The following MAN1C1 variants were observed in gnomAD, a reference collection of about 807,000 sequenced individuals.
MAN1C1 encodes mannosyl-oligosaccharide 1,2-alpha-mannosidase IC.
A neutral mutation model predicts 71.5 loss-of-function variants in MAN1C1; 49 were observed. The ratio of observed to expected loss-of-function variants is 0.69; its 90% CI spans 0.54 to 0.87. The LOEUF (loss-of-function observed/expected upper bound fraction) is 0.87. MAN1C1 is among the 40% of genes least tolerant of loss of function. MAN1C1 has a pLI of 0.00. For synonymous variants in MAN1C1, 352 were observed against 343.7 expected, an observed-to-expected ratio of 1.02 and a Z score of -0.27; for missense variants, 743 against 835.0, an observed-to-expected ratio of 0.89 and a Z score of 1.36.
At position 25,757,692 on chromosome 1, in the gene MAN1C1, C is replaced by T. The variant is rs375112995; in HGVS notation, c.930-900C>T. On this transcript the variant is annotated intron_variant, in intron 5 of 11. Coordinates refer to ENST00000374332, the MANE Select transcript of MAN1C1 (RefSeq NM_020379.4). ...TTGCCCGAGGGCTCCAGCTGAGCGA[C>T]ACTTGAACCTGCACCTTCTGGCTCC... Among the ~76,000 whole-genome samples the T allele has an allele frequency of 1.8e-4, 28 of 152,344 alleles. No homozygotes were observed. In the East Asian group the frequency reaches 4.0e-3, roughly 22 times the overall value.
At chr1:25,718,506 T>C (rs2046713999) in intron 2 of MAN1C1, among the ~76,000 whole-genome samples, 1 of 152,264 alleles carries the variant, frequency 6.6e-6, no homozygotes, top group African/African-American at 2.4e-5. Flanking sequence ...TCAGTAGGTT[T>C]CAGTATATTT....
rs2046963897 is a variant in MAN1C1, at chr1:25,735,173, C to A, written c.638-11495C>A. Among the ~76,000 whole-genome samples the A allele has an allele frequency of 6.6e-6, 1 of 152,160 alleles. No individual in the cohort carries two copies. The highest frequency in any genetic ancestry group is 6.5e-5 in the Admixed American group (1 of 15,288). On this transcript the variant is annotated intron_variant, in intron 2 of 11. Transcript: ENST00000374332. The surrounding 1 kb of genome is among the most constrained non-coding windows in gnomAD (Gnocchi z 4.6). ...CACGCCTGTTATCCCAGGCCTGTCT[C>A]GTGGGAGACCGAGACAGGTGGATCA...
intron 2 of MAN1C1, among the ~76,000 whole-genome samples, chr1:25,736,960 C>G (rs909835995): frequency 1.3e-5 from 2 of 152,210 alleles, no homozygotes; most frequent in African/African-American, 4.8e-5. Context: ...CTATCCAGGC[C>G]TCGCAGGAAA....
chr1:25,619,347 T>C (rs2045169776), intron 1 of MAN1C1, among the ~76,000 whole-genome samples: 2 of 152,226 alleles, frequency 1.3e-5, no homozygotes, highest in African/African-American at 2.4e-5. Context: ...AAAGGGCTGC[T>C]TCTGCCTGGA....
intron 9 of MAN1C1, 41 bp from the exon 10 acceptor site, chr1:25,780,899 G>A (rs1384812706): frequency 1.3e-5 from 21 of 1,597,266 alleles, no homozygotes; most frequent in Non-Finnish European, 1.7e-5. Context: ...AGCAGGAGGT[G>A]GGAGGTCTGA....
intron 2 of MAN1C1, among the ~76,000 whole-genome samples, chr1:25,702,170 C>T (rs1225722877): frequency 3.9e-5 from 6 of 152,286 alleles, no homozygotes; most frequent in Non-Finnish European, 5.9e-5. Context: ...TGACGATCGC[C>T]GGCCTAAGAG....
Position 25,778,701 on chromosome 1 carries a change from C to T in MAN1C1, c.1477+377C>T, listed in dbSNP as rs2047653998. On this transcript the variant is annotated intron_variant, in intron 9 of 11. Transcript: ENST00000374332. This position sits in a 1 kb window ranked among gnomAD's most constrained non-coding sequence, Gnocchi z 5.5. Reference sequence around the variant, plus strand: ...AAACGGCGGCTTCCTGAGCCCGGCACATGTCCCACCCTGAGTCTCCTACTT... The same window carrying T: ...AAACGGCGGCTTCCTGAGCCCGGCATATGTCCCACCCTGAGTCTCCTACTT... Among the ~76,000 whole-genome samples, 1 of 152,166 alleles carries T rather than the reference C, an allele frequency of 6.6e-6. No individual in the cohort carries two copies. The highest frequency in any genetic ancestry group is 1.5e-5 in the Non-Finnish European group (1 of 68,030).
intron 2 of MAN1C1, 78 bp downstream of exon 2, chr1:25,686,614 C>A: frequency 8.0e-7 from 1 of 1,246,800 alleles, no homozygotes; most frequent in Non-Finnish European, 1.2e-6. Flanking sequence ...TTACTTTTGG[C>A]TTTTCACCTC....
At chr1:25,665,244 C>T (rs900670202) in intron 1 of MAN1C1, among the ~76,000 whole-genome samples, 1 of 152,114 alleles carries the variant, frequency 6.6e-6, no homozygotes, top group African/African-American at 2.4e-5. Context: ...GGTAACGTCC[C>T]TTTGTGCCTG....
At chr1:25,754,409 T>C (rs900404715) in intron 5 of MAN1C1, among the ~76,000 whole-genome samples, 6 of 152,198 alleles carry the variant, frequency 3.9e-5, no homozygotes, top group African/African-American at 1.4e-4. Context: ...CCTCAAGGGC[T>C]TCACCACCTT....
chr1:25,670,639 C>T (rs1043895561), intron 1 of MAN1C1, among the ~76,000 whole-genome samples: 3 of 152,152 alleles, frequency 2.0e-5, no homozygotes, highest in African/African-American at 7.2e-5. Flanking sequence ...GGGTCTATGT[C>T]GTGTTGGTTC....
chr1:25,747,003 C>T (rs2047138724), intron 3 of MAN1C1, among the ~76,000 whole-genome samples: 1 of 152,218 alleles, frequency 6.6e-6, no homozygotes, highest in African/African-American at 2.4e-5. Context: ...AGCATCTTCC[C>T]TGGGGAGGGG....
chr1:25,665,855 CTTT>C (rs757054975), intron 1 of MAN1C1, among the ~76,000 whole-genome samples: 3 of 96,880 alleles, frequency 3.1e-5, no homozygotes, highest in Non-Finnish European at 5.8e-5. Flanking sequence ...TTGGCATTGG[CTTT>C]TTTTTTTTTT....
At chr1:25,671,652 T>G (rs536820889) in intron 1 of MAN1C1, among the ~76,000 whole-genome samples, 19 of 152,226 alleles carry the variant, frequency 1.2e-4, no homozygotes, top group African/African-American at 4.6e-4. Flanking sequence ...ATTTGGTGGG[T>G]TGGTTTGTTC....
chr1:25,671,136 C>A (rs886476002), intron 1 of MAN1C1, among the ~76,000 whole-genome samples: 1 of 152,238 alleles, frequency 6.6e-6, no homozygotes, highest in African/African-American at 2.4e-5. Context: ...GCCTCGGCCT[C>A]CAGAAGTGCT....
chr1:25,673,605 G>A (rs1329223945), intron 1 of MAN1C1, among the ~76,000 whole-genome samples: 2 of 152,170 alleles, frequency 1.3e-5, no homozygotes, highest in Admixed American at 1.3e-4. Context: ...GCACAGAGAG[G>A]TTAAGTATCT....
intron 1 of MAN1C1, among the ~76,000 whole-genome samples, chr1:25,660,857 A>AT (rs1175641990): frequency 1.3e-5 from 2 of 151,464 alleles, no homozygotes; most frequent in African/African-American, 2.4e-5. Flanking sequence ...TGCCCAGCTA[A>AT]TTTTTTTATT....
chr1:25,731,097 G>T (rs547299913), intron 2 of MAN1C1, among the ~76,000 whole-genome samples: 1 of 152,188 alleles, frequency 6.6e-6, no homozygotes, highest in African/African-American at 2.4e-5. Flanking sequence ...TGGACAGACC[G>T]CCTGAGCCCA....
chr1:25,682,121 CA>C (rs1354309726), intron 1 of MAN1C1, among the ~76,000 whole-genome samples: 1 of 152,106 alleles, frequency 6.6e-6, no homozygotes, highest in African/African-American at 2.4e-5. Context: ...TCAAAACAAA[CA>C]AACAAAGAAC....
Sources: gnomAD v4.1 joint callset for allele counts (sites outside exome capture counted in the v4.1 genomes callset) on GRCh38, gnomAD v4.1.1 for gene constraint, Gnocchi (gnomAD v3.1) non-coding constraint, MANE v1.5 for transcripts, NCBI Gene and HGNC (gene_info 2026-07-23, HGNC 2026-07-21) for gene names.